Variants in CNTN5 observed in about 807,000 individuals in gnomAD.
The protein encoded by CNTN5 is contactin-5.
Under a neutral mutation model 129.1 loss-of-function variants are expected in CNTN5, and 77 were observed. The observed-to-expected ratio is 0.60, with a 90% CI of 0.50 to 0.72. CNTN5 has a LOEUF of 0.72. Among genes scored for constraint, CNTN5 ranks in the 30% least tolerant of loss-of-function variants. CNTN5 has a pLI of 0.00. For synonymous variants in CNTN5, 509 were observed against 465.6 expected (o/e 1.09, Z -1.20); for missense variants, 1,478 against 1,328.8 (o/e 1.11, Z -1.75).
At chr11:99,309,549 C>T (rs1865018097) in intron 1 of CNTN5, among the ~76,000 whole-genome samples, 1 of 152,176 alleles carries the variant, frequency 6.6e-6, no homozygotes, top group South Asian at 2.1e-4. Flanking sequence ...TTTTGCAGTC[C>T]AGAAATTGTC....
chr11:100,041,455 C>A (rs1473256490), intron 9 of CNTN5, among the ~76,000 whole-genome samples: 2 of 152,172 alleles, frequency 1.3e-5, no homozygotes, highest in Admixed American at 1.3e-4. Context: ...GCTGAGTGAA[C>A]AAATGAATAT....
intron 13 of CNTN5, among the ~76,000 whole-genome samples, chr11:100,131,492 T>C (rs1269024176): frequency 6.6e-6 from 1 of 151,972 alleles, no homozygotes; most frequent in East Asian, 1.9e-4. Flanking sequence ...TTGTGAGTTA[T>C]CCAAATGGCT....
At chr11:100,257,226 GCC>G (rs1950090532) in intron 17 of CNTN5, among the ~76,000 whole-genome samples, 1 of 152,180 alleles carries the variant, frequency 6.6e-6, no homozygotes, top group Non-Finnish European at 1.5e-5. Context: ...TAGCCAGACT[GCC>G]TCTCTAGATT....
intron 6 of CNTN5, among the ~76,000 whole-genome samples, chr11:99,877,439 T>G (rs1482389707): frequency 1.3e-5 from 2 of 152,202 alleles, no homozygotes; most frequent in Non-Finnish European, 2.9e-5. Flanking sequence ...TTACTCTGCC[T>G]TTGAAATTTA....
At chr11:100,237,964 G>GA (rs758903685) in intron 16 of CNTN5, among the ~76,000 whole-genome samples, 1 of 151,966 alleles carries the variant, frequency 6.6e-6, no homozygotes, top group Non-Finnish European at 1.5e-5. Flanking sequence ...CCTAGCTTTA[G>GA]AAAAAACAGT....
intron 3 of CNTN5, among the ~76,000 whole-genome samples, chr11:99,673,420 C>T (rs1434334065): frequency 2.0e-5 from 3 of 152,094 alleles, no homozygotes; most frequent in Admixed American, 2.0e-4. Context: ...GCATCAAGAA[C>T]AGTGTCTGAT....
At chr11:99,941,337 A>T (rs1027074593) in intron 7 of CNTN5, among the ~76,000 whole-genome samples, 1 of 152,138 alleles carries the variant, frequency 6.6e-6, no homozygotes, top group Admixed American at 6.6e-5. Context: ...TTTACCCAAT[A>T]TAATAGTTTT....
intron 3 of CNTN5, among the ~76,000 whole-genome samples, chr11:99,622,727 T>C (rs541215238): frequency 3.3e-5 from 5 of 152,122 alleles, no homozygotes; most frequent in Non-Finnish European, 7.4e-5. Flanking sequence ...ATAGCATTGA[T>C]TATTCAATGA....
chr11:100,023,805 T>A lies in CNTN5; in HGVS notation c.980+21669T>A, dbSNP rs567587299. On this transcript the variant is annotated intron_variant, in intron 9 of 24. Coordinates refer to ENST00000524871, the MANE Select transcript of CNTN5 (RefSeq NM_014361.4). ...CTTTTTAAATTTAGTAATGCACACT[T>A]AAGTTTTCTCCATGTCTTTTCATGG... is the stretch of plus-strand genomic sequence containing the variant. Among the ~76,000 whole-genome samples, 13 of 152,258 alleles carry A rather than the reference T, an allele frequency of 8.5e-5. No homozygotes were observed. The East Asian group carries it at 2.5e-3, about 30-fold the overall frequency.
At chr11:99,556,357 G>A in intron 3 of CNTN5, 88 bp downstream of exon 3, 2 of 803,444 alleles carry the variant, frequency 2.5e-6, no homozygotes, top group Non-Finnish European at 1.9e-6. Flanking sequence ...AATATCCTCA[G>A]GTATTAATTT....
chr11:99,989,826 C>T (rs1372712486), intron 8 of CNTN5, among the ~76,000 whole-genome samples: 2 of 152,114 alleles, frequency 1.3e-5, no homozygotes, highest in African/African-American at 4.8e-5. Context: ...AGTACAGTGG[C>T]ACGATCTGGG....
At chr11:99,382,227 T>C (rs961179529) in intron 2 of CNTN5, among the ~76,000 whole-genome samples, 1 of 152,096 alleles carries the variant, frequency 6.6e-6, no homozygotes, top group Non-Finnish European at 1.5e-5. Flanking sequence ...AAAGAAGTTG[T>C]ACCCTAGAGG....
chr11:99,856,489 G>C (rs1948038099), intron 6 of CNTN5, among the ~76,000 whole-genome samples: 2 of 152,156 alleles, frequency 1.3e-5, no homozygotes, highest in South Asian at 4.1e-4. Flanking sequence ...GGTGCCTATA[G>C]TCTAAGTGTA....
At chr11:99,414,463 GCAGAATATATA>G (rs1565563119) in intron 2 of CNTN5, among the ~76,000 whole-genome samples, 26 of 151,334 alleles carry the variant, frequency 1.7e-4, no homozygotes, top group African/African-American at 6.3e-4. Context: ...GTGTATGTAT[GCAGAATATATA>G]TAGAATATAT....
rs185923893 is a variant in CNTN5 at position 99,597,009 on chromosome 11, A to T, written c.55+40740A>T. ...AAATGATCAGCACTTAGTTTTTGAGATAAGTTTTCTTTATACATCTAATTT... is the reference window on the plus strand; with the variant it reads ...AAATGATCAGCACTTAGTTTTTGAGTTAAGTTTTCTTTATACATCTAATTT... On this transcript the variant is annotated intron_variant, in intron 3 of 24. Coordinates refer to ENST00000524871, the MANE Select transcript of CNTN5 (RefSeq NM_014361.4). 3.9e-5 allele frequency among the ~76,000 whole-genome samples: 6 copies of T among 152,230 alleles called. No individual in the cohort carries two copies. The East Asian group carries it at 1.2e-3, about 29-fold the overall frequency.
intron 1 of CNTN5, among the ~76,000 whole-genome samples, chr11:99,311,784 TATTA>T (rs575066809): frequency 6.0e-4 from 92 of 152,340 alleles, no homozygotes; most frequent in African/African-American, 2.1e-3. Context: ...CTGACCATAT[TATTA>T]ATTGTGTATA....
At chr11:100,073,982 TA>T (rs1449912877) in intron 12 of CNTN5, among the ~76,000 whole-genome samples, 161 bp from the exon 13 acceptor site, 1 of 152,192 alleles carries the variant, frequency 6.6e-6, no homozygotes, top group Non-Finnish European at 1.5e-5. Context: ...TATTAATTAA[TA>T]ATAAGTAAAA....
intron 15 of CNTN5, among the ~76,000 whole-genome samples, chr11:100,223,526 CAAAAT>C (rs752174145): frequency 6.6e-6 from 1 of 152,052 alleles, no homozygotes; most frequent in Non-Finnish European, 1.5e-5. Flanking sequence ...TGGTCTATCT[CAAAAT>C]AAAGGCAAAC....
chr11:99,779,635 CTA>C (rs1591158221), intron 3 of CNTN5, among the ~76,000 whole-genome samples: 1 of 151,914 alleles, frequency 6.6e-6, no homozygotes, highest in African/African-American at 2.4e-5. Context: ...AACAGTAACA[CTA>C]TGAGGAATAG....
Sources: gnomAD v4.1 joint callset for allele counts (sites outside exome capture counted in the v4.1 genomes callset) on GRCh38, gnomAD v4.1.1 for gene constraint, MANE v1.5 for transcripts, NCBI Gene and HGNC (gene_info 2026-07-23, HGNC 2026-07-21) for gene names.